PALLD: variants seen among roughly 807,000 people sequenced by gnomAD.
The protein encoded by PALLD is palladin.
Under a neutral mutation model 123.5 loss-of-function variants are expected in PALLD, and 61 were observed. That is an observed-to-expected ratio of 0.49 (90% CI 0.40 to 0.61). PALLD has a LOEUF of 0.61. Ranked by LOEUF, PALLD falls within the 20% of genes least tolerant of loss-of-function variation. PALLD has a pLI of 0.00. For synonymous variants in PALLD, 465 were observed against 496.4 expected (o/e 0.94, Z 0.84); for missense variants, 1,273 against 1,377.0 (o/e 0.92, Z 1.20).
At chr4:168,515,311 A>G (rs2149437900) in intron 2 of PALLD, among the ~76,000 whole-genome samples, 1 of 152,324 alleles carries the variant, frequency 6.6e-6, no homozygotes, top group African/African-American at 2.4e-5. Flanking sequence ...GAAAACCTTT[A>G]TTAAAGATTT....
At chr4:168,741,137 A>G (rs1788285073) in intron 10 of PALLD, among the ~76,000 whole-genome samples, 1 of 152,198 alleles carries the variant, frequency 6.6e-6, no homozygotes, top group South Asian at 2.1e-4. Flanking sequence ...CCATAAAACT[A>G]AATCAAACTC....
At chr4:168,891,357 C>T (rs1244850029) in intron 11 of PALLD, among the ~76,000 whole-genome samples, 3 of 152,188 alleles carry the variant, frequency 2.0e-5, no homozygotes, top group Non-Finnish European at 1.5e-5. Context: ...GACAGAGTCT[C>T]CCTATGTTGC....
At chr4:168,734,965 G>C (rs1254094151) in intron 10 of PALLD, among the ~76,000 whole-genome samples, 3 of 152,066 alleles carry the variant, frequency 2.0e-5, no homozygotes, top group Non-Finnish European at 4.4e-5. Context: ...GAGGGAGAGG[G>C]TGATGCTAGT....
chr4:168,538,119 A>G (rs1239932280), intron 2 of PALLD, among the ~76,000 whole-genome samples: 1 of 152,238 alleles, frequency 6.6e-6, no homozygotes, highest in Non-Finnish European at 1.5e-5. Flanking sequence ...ATAAGTATAT[A>G]CTGAAGTATT....
intron 10 of PALLD, among the ~76,000 whole-genome samples, chr4:168,861,104 T>A (rs1560810236): frequency 1.3e-5 from 2 of 152,250 alleles, no homozygotes; most frequent in African/African-American, 4.8e-5. Flanking sequence ...TTTGTTTGTT[T>A]TAGCCAAGGC....
At chr4:168,629,594 T>C (rs1394298359) in intron 2 of PALLD, among the ~76,000 whole-genome samples, 1 of 152,210 alleles carries the variant, frequency 6.6e-6, no homozygotes, top group Non-Finnish European at 1.5e-5. Flanking sequence ...TGAGCAGGGC[T>C]CAGGGGAATC....
At chr4:168,919,271 C>T (rs761529665) in intron 17 of PALLD, among the ~76,000 whole-genome samples, 59 of 152,206 alleles carry the variant, frequency 3.9e-4, no homozygotes, top group Middle Eastern at 6.8e-3. Context: ...CGCCTGTAAT[C>T]CTAAAACTTT....
chr4:168,888,938 CAG>C (rs1444470826), intron 10 of PALLD, among the ~76,000 whole-genome samples: 1 of 152,074 alleles, frequency 6.6e-6, no homozygotes, highest in Admixed American at 6.6e-5. Flanking sequence ...GGGACGGTGG[CAG>C]AGTCTTTACA....
At chr4:168,647,483 A>C (rs370838736) in intron 2 of PALLD, among the ~76,000 whole-genome samples, 125 of 152,308 alleles carry the variant, frequency 8.2e-4, no homozygotes, top group African/African-American at 2.8e-3. Context: ...CAGTCTCTTA[A>C]AAAAGAGGTG....
chr4:168,802,376 C>T (rs1011194041), intron 10 of PALLD, among the ~76,000 whole-genome samples: 3 of 152,180 alleles, frequency 2.0e-5, no homozygotes, highest in African/African-American at 7.2e-5. Context: ...GGTACCTATA[C>T]ACCATGGAAT....
intron 2 of PALLD, among the ~76,000 whole-genome samples, chr4:168,589,537 C>A (rs1036078330): frequency 6.0e-5 from 8 of 133,536 alleles, no homozygotes; most frequent in African/African-American, 1.8e-4. Flanking sequence ...CCACTCCCAC[C>A]AACCCCCACC....
intron 10 of PALLD, among the ~76,000 whole-genome samples, chr4:168,773,770 C>T (rs1047829558): frequency 3.3e-5 from 5 of 152,096 alleles, no homozygotes; most frequent in Non-Finnish European, 5.9e-5. Flanking sequence ...CTGAGCCCCA[C>T]CCGGCCTCCC....
At position 168,925,289 on chromosome 4, in the gene PALLD, G is replaced by A; in HGVS notation, c.*32+11G>A. ...AGAACAAATACCCAAGTATCATTCA[G>A]GAACTTTGAATTATTAGCAAAATAT... On this transcript the variant is annotated intron_variant, in intron 21 of 21. Transcript: ENST00000505667. 1 of 1,592,874 alleles carries A rather than the reference G, an allele frequency of 6.3e-7. No individual in the cohort carries two copies. The highest frequency in any genetic ancestry group is 8.6e-7 in the Non-Finnish European group (1 of 1,160,806).
intron 10 of PALLD, among the ~76,000 whole-genome samples, chr4:168,802,635 A>G (rs757219296): frequency 6.6e-6 from 1 of 152,230 alleles, no homozygotes; most frequent in African/African-American, 2.4e-5. Context: ...ACTGTTTGAT[A>G]AAAAGGAACT....
intron 10 of PALLD, among the ~76,000 whole-genome samples, chr4:168,879,736 A>C (rs1443979420): frequency 6.6e-6 from 1 of 152,246 alleles, no homozygotes; most frequent in Non-Finnish European, 1.5e-5. Flanking sequence ...GGTGAAACAC[A>C]GTCCAATGAA....
chr4:168,726,614 T>G (rs1786611812), intron 10 of PALLD, among the ~76,000 whole-genome samples: 1 of 152,068 alleles, frequency 6.6e-6, no homozygotes, highest in African/African-American at 2.4e-5. Context: ...AACTCCTGGC[T>G]TCAAGCGATC....
At chr4:168,546,157 T>C (rs1766116153) in intron 2 of PALLD, among the ~76,000 whole-genome samples, 1 of 152,026 alleles carries the variant, frequency 6.6e-6, no homozygotes, top group Non-Finnish European at 1.5e-5. Context: ...CGAATTACTG[T>C]GTGTATTCAT....
chr4:168,820,967 T>C (rs1742634392), intron 10 of PALLD, among the ~76,000 whole-genome samples: 1 of 152,238 alleles, frequency 6.6e-6, no homozygotes, highest in Admixed American at 6.5e-5. Flanking sequence ...TAAGAGTTAT[T>C]GAGTAATCAA....
At chr4:168,612,281 T>C (rs918957419) in intron 2 of PALLD, among the ~76,000 whole-genome samples, 1 of 151,654 alleles carries the variant, frequency 6.6e-6, no homozygotes, top group Non-Finnish European at 1.5e-5. Flanking sequence ...ATGCTCATCT[T>C]ATAATTTCCA....
Sources: gnomAD v4.1 joint callset for allele counts (sites outside exome capture counted in the v4.1 genomes callset) on GRCh38, gnomAD v4.1.1 for gene constraint, MANE v1.5 for transcripts, NCBI Gene and HGNC (gene_info 2026-07-23, HGNC 2026-07-21) for gene names.